LAPTM4B: variants seen among roughly 807,000 people sequenced by gnomAD.
The protein encoded by LAPTM4B is lysosomal protein transmembrane 4 beta, also known as lysosomal-associated transmembrane protein 4B.
Under a neutral mutation model 28.5 loss-of-function variants are expected in LAPTM4B, and 26 were observed. That is an observed-to-expected ratio of 0.91 (90% CI 0.67 to 1.27). The LOEUF (loss-of-function observed/expected upper bound fraction) is 1.27. LAPTM4B is among the 50% of genes most tolerant of loss of function. The probability of loss-of-function intolerance (pLI) is 0.00; values close to 1 mark genes in which losing one functional copy is unlikely to be tolerated. For missense variants in LAPTM4B, 288 were observed against 285.8 expected (o/e 1.01, Z -0.06); for synonymous variants, 109 against 106.4 (o/e 1.02, Z -0.15).
At chr8:97,838,509 T>C (rs1817296745) in intron 6 of LAPTM4B, among the ~76,000 whole-genome samples, 1 of 152,174 alleles carries the variant, frequency 6.6e-6, no homozygotes, top group African/African-American at 2.4e-5. Flanking sequence ...TTAATTCCTG[T>C]GTTGCAAAAG....
chr8:97,841,002 A>G (rs374782126), intron 6 of LAPTM4B, among the ~76,000 whole-genome samples: 23 of 151,564 alleles, frequency 1.5e-4, no homozygotes, highest in African/African-American at 5.3e-4. Context: ...GGAGCTGGGT[A>G]GAGGCGCTCC....
At chr8:97,776,159 G>C in intron 1 of LAPTM4B, 51 bp downstream of exon 1, 1 of 1,522,748 alleles carries the variant, frequency 6.6e-7, no homozygotes, top group South Asian at 1.2e-5. Flanking sequence ...CGCGCCCCTA[G>C]CTGGGCTTCT....
intron 1 of LAPTM4B, among the ~76,000 whole-genome samples, chr8:97,801,566 T>A (rs2129762707): frequency 6.6e-6 from 1 of 151,872 alleles, no homozygotes; most frequent in African/African-American, 2.4e-5. Flanking sequence ...AAAATAAGAG[T>A]ATAGAAGAGT....
At chr8:97,837,799 C>CT (rs34085640) in intron 6 of LAPTM4B, among the ~76,000 whole-genome samples, 59,358 of 151,988 alleles carry the variant, frequency 0.39, 12,742 homozygotes, top group Middle Eastern at 0.51. Flanking sequence ...AGGAATTGGA[C>CT]TGGAAGAGTT....
At chr8:97,840,718 C>T (rs1468275731) in intron 6 of LAPTM4B, among the ~76,000 whole-genome samples, 1 of 152,216 alleles carries the variant, frequency 6.6e-6, no homozygotes, top group Non-Finnish European at 1.5e-5. Context: ...GAAAAGATCA[C>T]ACACAAGGCT....
At position 97,831,401 on chromosome 8, in the gene LAPTM4B, T is replaced by C. The variant is rs922354460; in HGVS notation, c.603+6248T>C. Reference sequence around the variant, plus strand: ...AGGTGTGAAATCTATTTGCCAATCTTTTGTGGGGGTAAATCCTCGGGCTTG... The same window carrying C: ...AGGTGTGAAATCTATTTGCCAATCTCTTGTGGGGGTAAATCCTCGGGCTTG... On this transcript the variant is annotated intron_variant, in intron 6 of 6. Coordinates refer to ENST00000521545, the MANE Select transcript of LAPTM4B (RefSeq NM_018407.6). Among the ~76,000 whole-genome samples, 5 of 152,244 alleles carry C rather than the reference T, an allele frequency of 3.3e-5. No individual in the cohort carries two copies. The South Asian group carries it at 6.2e-4, about 19-fold the overall frequency.
intron 6 of LAPTM4B, among the ~76,000 whole-genome samples, chr8:97,843,625 C>G (rs1261877782): frequency 6.6e-6 from 1 of 151,764 alleles, no homozygotes; most frequent in Non-Finnish European, 1.5e-5. Flanking sequence ...ACTAGAAATA[C>G]AAAAATTAGC....
At chr8:97,828,134 A>G (rs766664092) in intron 6 of LAPTM4B, among the ~76,000 whole-genome samples, 5 of 152,124 alleles carry the variant, frequency 3.3e-5, no homozygotes, top group Non-Finnish European at 7.4e-5. Context: ...CTGGCTTTTT[A>G]TATTAATAAT....
At chr8:97,788,314 T>C (rs779532264) in intron 1 of LAPTM4B, 9 of 385,728 alleles carry the variant, frequency 2.3e-5, no homozygotes, top group Non-Finnish European at 4.7e-5. Flanking sequence ...TTTTTGCTTT[T>C]GTTTCTTGGC....
At chr8:97,798,212 T>C (rs1816620847) in intron 1 of LAPTM4B, among the ~76,000 whole-genome samples, 1 of 152,198 alleles carries the variant, frequency 6.6e-6, no homozygotes, top group Non-Finnish European at 1.5e-5. Flanking sequence ...CTTTGACTCA[T>C]GTTTGACCTT....
At chr8:97,848,379 T>G (rs1817464262) in intron 6 of LAPTM4B, among the ~76,000 whole-genome samples, 1 of 151,846 alleles carries the variant, frequency 6.6e-6, no homozygotes, top group Admixed American at 6.6e-5. Context: ...AGTTTTATTT[T>G]GACAAAAGGC....
At chr8:97,804,778 C>T (rs941173138) in intron 1 of LAPTM4B, among the ~76,000 whole-genome samples, 19 of 151,524 alleles carry the variant, frequency 1.3e-4, no homozygotes, top group African/African-American at 4.6e-4. Flanking sequence ...GGGCAGTACT[C>T]AGAAGACAGG....
chr8:97,842,965 A>ACCT (rs1256053353), intron 6 of LAPTM4B, among the ~76,000 whole-genome samples: 1 of 142,838 alleles, frequency 7.0e-6, no homozygotes, highest in Non-Finnish European at 1.5e-5. Context: ...TGCAACCTCC[A>ACCT]CCTCCTGGGT....
chr8:97,778,463 C>T (rs1317975906), intron 1 of LAPTM4B, among the ~76,000 whole-genome samples: 1 of 152,078 alleles, frequency 6.6e-6, no homozygotes, highest in African/African-American at 2.4e-5. Context: ...CTTACCCACC[C>T]GCTTCCTCAA....
intron 1 of LAPTM4B, among the ~76,000 whole-genome samples, chr8:97,800,253 G>A (rs1307700940): frequency 6.6e-6 from 1 of 152,152 alleles, no homozygotes; most frequent in African/African-American, 2.4e-5. Flanking sequence ...GACTGAGAGT[G>A]CGGGGAAAGC....
intron 1 of LAPTM4B, among the ~76,000 whole-genome samples, chr8:97,790,677 C>A (rs1434753391): frequency 1.3e-5 from 2 of 152,026 alleles, no homozygotes; most frequent in East Asian, 3.9e-4. Flanking sequence ...AACTCCTGAT[C>A]TCAAGTTATC....
chr8:97,784,010 A>G (rs1816365232), intron 1 of LAPTM4B, among the ~76,000 whole-genome samples: 1 of 152,138 alleles, frequency 6.6e-6, no homozygotes, highest in African/African-American at 2.4e-5. Flanking sequence ...CACAAGCCTG[A>G]TAGATTTTCT....
intron 6 of LAPTM4B, among the ~76,000 whole-genome samples, chr8:97,846,501 A>AT (rs930447807): frequency 6.6e-6 from 1 of 151,924 alleles, no homozygotes; most frequent in Non-Finnish European, 1.5e-5. Flanking sequence ...CTAACTTTGT[A>AT]TTTTTAGTAG....
intron 1 of LAPTM4B, among the ~76,000 whole-genome samples, chr8:97,800,337 G>A (rs1473052785): frequency 6.6e-6 from 1 of 152,010 alleles, no homozygotes; most frequent in African/African-American, 2.4e-5. Context: ...CTTTTAACAT[G>A]GTTCTTGTTA....
Sources: allele counts gnomAD v4.1 joint callset (sites outside exome capture counted in the v4.1 genomes callset), GRCh38; gene constraint gnomAD v4.1.1; transcripts MANE v1.5; gene names NCBI Gene and HGNC (gene_info 2026-07-23, HGNC 2026-07-21).